The following KLHDC1 variants were observed in gnomAD, a reference collection of about 807,000 sequenced individuals.
KLHDC1 encodes kelch domain-containing protein 1.
A neutral mutation model predicts 68.3 loss-of-function variants in KLHDC1; 53 were observed. The ratio of observed to expected loss-of-function variants is 0.78; its 90% CI spans 0.62 to 0.98. KLHDC1 has a LOEUF of 0.98. Among genes scored for constraint, KLHDC1 ranks in the 50% least tolerant of loss-of-function variants. The pLI is 0.00. For synonymous variants in KLHDC1, 148 were observed against 159.0 expected (o/e 0.93, Z 0.52); for missense variants, 470 against 492.3 (o/e 0.95, Z 0.43).
At chr14:49,693,748 CTT>C (rs1231129663) in intron 1 of KLHDC1, among the ~76,000 whole-genome samples, 2,044 of 61,550 alleles carry the variant, frequency 0.033, 322 homozygotes, top group African/African-American at 0.1. Context: ...TTTTCTTTTT[CTT>C]TTTTTTTTTT....
rs1362129209 is a variant in KLHDC1, at chr14:49,693,175, G to GCGGGCCAGCGA, written c.-16_-6dup. On this transcript the variant is annotated 5_prime_UTR_variant, in exon 1 of 13. Transcript: ENST00000359332. ...GGCAGGGGTTGTGGCGCGGCAAGCG[G>GCGGGCCAGCGA]CGGGCCAGCGACGGCGCGAATGGCG... 7.6e-6 allele frequency: 12 copies of GCGGGCCAGCGA among 1,572,832 alleles called. No homozygotes were observed. Among genetic ancestry groups the GCGGGCCAGCGA allele is most frequent in the Non-Finnish European group, 1.0e-5 (12 of 1,161,404 alleles).
At position 49,703,216 on chromosome 14, in the gene KLHDC1, C is replaced by G. The variant is rs573625843; in HGVS notation, c.97-5943C>G. 2.0e-5 allele frequency among the ~76,000 whole-genome samples: 3 copies of G among 152,048 alleles called. No individual in the cohort carries two copies. In the South Asian group the frequency reaches 6.2e-4, roughly 32 times the overall value. On this transcript the variant is annotated intron_variant, in intron 1 of 12. Coordinates refer to ENST00000359332, the MANE Select transcript of KLHDC1 (RefSeq NM_172193.3). ...CTTTTATCCTGCATTGATTACATTG[C>G]TCCCACTACCCCCACTCATACAGGT...
intron 10 of KLHDC1, among the ~76,000 whole-genome samples, chr14:49,735,040 G>GGT (rs1888900103): frequency 6.6e-6 from 1 of 151,992 alleles, no homozygotes; most frequent in Non-Finnish European, 1.5e-5. Context: ...TTTTGGAAGA[G>GGT]GTTTAAAGCA....
intron 12 of KLHDC1, among the ~76,000 whole-genome samples, chr14:49,749,810 A>G (rs1889284145): frequency 1.3e-5 from 2 of 152,116 alleles, no homozygotes; most frequent in African/African-American, 4.8e-5. Flanking sequence ...TGTAATCCCA[A>G]CACTTTGTGA....
chr14:49,715,590 C>G (rs1317881528), intron 4 of KLHDC1, among the ~76,000 whole-genome samples: 1 of 150,144 alleles, frequency 6.7e-6, no homozygotes, highest in South Asian at 2.1e-4. Context: ...ACTAAAAATA[C>G]AAAAATTAGC....
chr14:49,710,363 G>T lies in KLHDC1; in HGVS notation c.386G>T (p.Cys129Phe). The T allele has an allele frequency of 6.3e-7, 1 of 1,594,382 alleles. No homozygotes were observed. ...CCTACACCACGTGATAAACTTTCCT[G>T]CTGGGTATATAAAGACAGGTAATGC... ...QPPTPRDKLS[C>F]WVYKDRLIYF... The change falls in exon 4 of 13, where the codon TGC becomes TTC. Residue 129 changes from cysteine (C) to phenylalanine (F), a missense_variant. Cys to Phe is a radical substitution (Grantham distance 205, BLOSUM62 -2). Transcript: ENST00000359332.
chr14:49,737,886 A>C (rs1014087381), intron 10 of KLHDC1, among the ~76,000 whole-genome samples: 8 of 151,080 alleles, frequency 5.3e-5, no homozygotes, highest in African/African-American at 1.9e-4. Flanking sequence ...AAAAAAAAAA[A>C]CAAGGAATCA....
chr14:49,708,045 T>C (rs558120151), intron 1 of KLHDC1, among the ~76,000 whole-genome samples: 11 of 151,054 alleles, frequency 7.3e-5, no homozygotes, highest in Admixed American at 2.0e-4. Flanking sequence ...TTAGAAATTC[T>C]TAAAGTGCTA....
In KLHDC1 at chr14:49,732,737, G is replaced by T; in HGVS notation, c.744G>T (p.Arg248=). The change falls in exon 9 of 13, where the codon CGG becomes CGT. Residue 248 remains arginine (R), a synonymous_variant. Coordinates refer to ENST00000359332, the MANE Select transcript of KLHDC1 (RefSeq NM_172193.3). ...TTAATGGAGAAAGCCCAAAACATCG[G>T]TCATGGCATACTTTAACACCTATAG... ...ITINGESPKH[R]SWHTLTPIAD... The T allele has an allele frequency of 6.2e-7, 1 of 1,608,902 alleles. No individual in the cohort carries two copies.
At chr14:49,705,432 G>A (rs1888025841) in intron 1 of KLHDC1, among the ~76,000 whole-genome samples, 3 of 118,282 alleles carry the variant, frequency 2.5e-5, no homozygotes, top group South Asian at 3.0e-4. Flanking sequence ...ACAGTGGCAT[G>A]ATCTCAGGTT....
intron 4 of KLHDC1, among the ~76,000 whole-genome samples, chr14:49,717,827 A>C (rs138052638): frequency 2.2e-4 from 33 of 152,118 alleles, no homozygotes; most frequent in African/African-American, 7.5e-4. Context: ...TTACTGATTC[A>C]ATCATCTTAC....
At chr14:49,714,543 G>A (rs566280704) in intron 4 of KLHDC1, among the ~76,000 whole-genome samples, 23 of 152,106 alleles carry the variant, frequency 1.5e-4, no homozygotes, top group African/African-American at 5.3e-4. Flanking sequence ...GGAGGTCAAG[G>A]CTGGAGGATC....
chr14:49,727,602 C>G (rs1270117257), intron 6 of KLHDC1, among the ~76,000 whole-genome samples: 1 of 152,178 alleles, frequency 6.6e-6, no homozygotes, highest in Non-Finnish European at 1.5e-5. Flanking sequence ...CAATAAATTT[C>G]AGATTTCCAG....
At chr14:49,694,691 T>C (rs1297447673) in intron 1 of KLHDC1, among the ~76,000 whole-genome samples, 1 of 151,926 alleles carries the variant, frequency 6.6e-6, no homozygotes, top group Non-Finnish European at 1.5e-5. Flanking sequence ...CCGTCTCTAC[T>C]AAAAACACAA....
intron 10 of KLHDC1, among the ~76,000 whole-genome samples, chr14:49,736,176 T>C (rs1284930882): frequency 6.6e-6 from 1 of 152,222 alleles, no homozygotes; most frequent in African/African-American, 2.4e-5. Context: ...TCCTATTTTA[T>C]ATTTCAACCC....
chr14:49,731,843 C>T (rs1343637688), intron 8 of KLHDC1, among the ~76,000 whole-genome samples: 2 of 152,050 alleles, frequency 1.3e-5, no homozygotes, highest in African/African-American at 4.8e-5. Context: ...CTGTGCCTGG[C>T]ATTGTTTTTA....
chr14:49,744,292 ATGTGTGTGTGTG>A (rs36219162), intron 12 of KLHDC1, among the ~76,000 whole-genome samples: 125,077 of 150,556 alleles, frequency 0.83, 52,372 homozygotes, highest in South Asian at 0.93. Flanking sequence ...GCCTGTATAT[ATGTGTGTGTGTG>A]TGTGTGTGTG....
intron 5 of KLHDC1, among the ~76,000 whole-genome samples, chr14:49,725,353 T>A (rs1240906379): frequency 6.6e-6 from 1 of 152,312 alleles, no homozygotes; most frequent in Non-Finnish European, 1.5e-5. Context: ...GCATGTACTT[T>A]AGGGAAACAG....
chr14:49,722,300 A>G (rs1888548516), intron 4 of KLHDC1, among the ~76,000 whole-genome samples: 3 of 152,110 alleles, frequency 2.0e-5, no homozygotes, highest in Non-Finnish European at 4.4e-5. Context: ...GGTGTGTGAT[A>G]TTCCCCTTCC....
Sources: allele counts gnomAD v4.1 joint callset (sites outside exome capture counted in the v4.1 genomes callset), GRCh38; gene constraint gnomAD v4.1.1; transcripts MANE v1.5; gene names NCBI Gene and HGNC (gene_info 2026-07-23, HGNC 2026-07-21).